NAA11: variants seen among roughly 807,000 people sequenced by gnomAD.
The protein encoded by NAA11 is N-alpha-acetyltransferase 11, NatA catalytic subunit.
In NAA11, 15 loss-of-function variants were observed where a neutral mutation model predicts 16.1. The observed-to-expected ratio is 0.93, with a 90% CI of 0.62 to 1.44. NAA11 has a LOEUF of 1.44. Among genes scored for constraint, NAA11 ranks in the 40% most tolerant of loss-of-function variants. The probability of loss-of-function intolerance (pLI) is 0.00; values close to 1 mark genes in which losing one functional copy is unlikely to be tolerated. For synonymous variants in NAA11, 122 were observed against 112.4 expected, an observed-to-expected ratio of 1.09 and a Z score of -0.54; for missense variants, 298 against 291.3, an observed-to-expected ratio of 1.02 and a Z score of -0.17.
At chr4:79,201,356 C>T in the NAA11 span, among the ~76,000 whole-genome samples, 1 of 151,522 alleles carries the variant, frequency 6.6e-6, no homozygotes, top group Non-Finnish European at 1.5e-5. Flanking sequence ...TTGAATGTAC[C>T]AGCAGTAAAT....
intron 1 of NAA11, among the ~76,000 whole-genome samples, chr4:79,300,799 A>G (rs1401089109): frequency 1.3e-5 from 2 of 152,236 alleles, no homozygotes; most frequent in African/African-American, 2.4e-5. Flanking sequence ...TGAGGTGGAC[A>G]TTAGAAAGGA....
At chr4:79,187,425 CAAAT>C in the NAA11 span, among the ~76,000 whole-genome samples, 1 of 152,078 alleles carries the variant, frequency 6.6e-6, no homozygotes, top group African/African-American at 2.4e-5. Flanking sequence ...TTATTCAAGA[CAAAT>C]AAAAAATCAA....
chr4:79,283,891 C>A (rs971890295), intron 2 of NAA11, among the ~76,000 whole-genome samples: 5 of 151,930 alleles, frequency 3.3e-5, no homozygotes, highest in African/African-American at 7.3e-5. Flanking sequence ...ATATTTAATC[C>A]TGTTATGTTA....
the NAA11 span, among the ~76,000 whole-genome samples, chr4:79,191,158 A>G: frequency 2.0e-5 from 3 of 152,102 alleles, no homozygotes; most frequent in Non-Finnish European, 4.4e-5. Flanking sequence ...TTGATGGCAG[A>G]ATGATTTATA....
intron 1 of NAA11, among the ~76,000 whole-genome samples, chr4:79,309,707 TTTTTTTC>T (rs1723703775): frequency 7.9e-6 from 1 of 126,488 alleles, no homozygotes; most frequent in Admixed American, 8.5e-5. Context: ...TGGTGTTTTT[TTTTTTTC>T]TTTTTTTTTT....
At chr4:79,280,345 C>A (rs1432386523) in intron 2 of NAA11, among the ~76,000 whole-genome samples, 1 of 151,988 alleles carries the variant, frequency 6.6e-6, no homozygotes, top group Non-Finnish European at 1.5e-5. Flanking sequence ...GCATGCAGCC[C>A]GGTCCAGGTT....
the NAA11 span, among the ~76,000 whole-genome samples, chr4:79,200,746 G>A: frequency 6.6e-6 from 1 of 151,752 alleles, no homozygotes. Flanking sequence ...TGTTCTTCCA[G>A]TGAGACCCTA....
At chr4:79,208,914 T>C in the NAA11 span, among the ~76,000 whole-genome samples, 1 of 35,322 alleles carries the variant, frequency 2.8e-5, no homozygotes, top group Admixed American at 4.3e-4. Flanking sequence ...CTCAAAAAAT[T>C]ATATAACTGC....
At chr4:79,224,636 G>T (rs899649203), downstream of NAA11, among the ~76,000 whole-genome samples, 2 of 152,080 alleles carry the variant, frequency 1.3e-5, no homozygotes, top group African/African-American at 4.8e-5. Context: ...TGTGAAAGTG[G>T]AGGCTGGAGA....
chr4:79,192,833 C>T, the NAA11 span, among the ~76,000 whole-genome samples: 1 of 150,684 alleles, frequency 6.6e-6, no homozygotes, highest in Non-Finnish European at 1.5e-5. Flanking sequence ...AACTAGTTTA[C>T]AGTCCCACCA....
At chr4:79,216,594 C>A in the NAA11 span, among the ~76,000 whole-genome samples, 1 of 151,850 alleles carries the variant, frequency 6.6e-6, no homozygotes, top group Non-Finnish European at 1.5e-5. Flanking sequence ...GGCTGAATTT[C>A]CCAAAAAGTA....
At chr4:79,189,151 A>AAAAAAAAAAAAAAAAAAAAAAAAC in the NAA11 span, among the ~76,000 whole-genome samples, 1 of 146,812 alleles carries the variant, frequency 6.8e-6, no homozygotes, top group Non-Finnish European at 1.5e-5. Context: ...ATCTCAAAAA[A>AAAAAAAAAAAAAAAAAAAAAAAAC]AAAAAAAAAA....
At chr4:79,289,518 C>T (rs531785823) in intron 2 of NAA11, among the ~76,000 whole-genome samples, 6 of 152,262 alleles carry the variant, frequency 3.9e-5, no homozygotes, top group East Asian at 1.9e-4. Flanking sequence ...TCAATTATCT[C>T]GTTTTTTTAT....
the NAA11 span, among the ~76,000 whole-genome samples, chr4:79,207,554 A>G: frequency 6.6e-6 from 1 of 152,088 alleles, no homozygotes. Flanking sequence ...GCCTGCTGGC[A>G]TGGTAATCTT....
At chr4:79,166,764 G>A in the NAA11 span, among the ~76,000 whole-genome samples, 1 of 149,432 alleles carries the variant, frequency 6.7e-6, no homozygotes, top group South Asian at 2.2e-4. Context: ...AGCTACTTGG[G>A]AGGCTGAGGC....
chr4:79,239,661 C>T (rs1007131120), intron 2 of NAA11, among the ~76,000 whole-genome samples: 6 of 151,982 alleles, frequency 3.9e-5, no homozygotes, highest in Non-Finnish European at 8.8e-5. Flanking sequence ...GATAGTGCCA[C>T]TACACTCCAG....
chr4:79,267,349 T>A (rs1441753203), intron 2 of NAA11, among the ~76,000 whole-genome samples: 1 of 152,140 alleles, frequency 6.6e-6, no homozygotes, highest in Non-Finnish European at 1.5e-5. Context: ...GGGAGAGGCT[T>A]AGTAATGAAG....
intron 1 of NAA11, among the ~76,000 whole-genome samples, chr4:79,308,119 A>G (rs1361715178): frequency 6.6e-6 from 1 of 152,228 alleles, no homozygotes; most frequent in Admixed American, 6.5e-5. Context: ...TCATTAATGT[A>G]TGCTGGCAAA....
intron 2 of NAA11, among the ~76,000 whole-genome samples, chr4:79,284,878 CAAAA>C (rs558413914): frequency 9.7e-4 from 5 of 5,144 alleles, no homozygotes; most frequent in Non-Finnish European, 1.7e-3. Flanking sequence ...GACTCCGTCT[CAAAA>C]AAAAAAAAAA....
Sources: gnomAD v4.1 joint callset for allele counts (sites outside exome capture counted in the v4.1 genomes callset) on GRCh38, gnomAD v4.1.1 for gene constraint, MANE v1.5 for transcripts, NCBI Gene and HGNC (gene_info 2026-07-23, HGNC 2026-07-21) for gene names.